PPP3CA: variants seen among roughly 807,000 people sequenced by gnomAD.
PPP3CA encodes CAM-PRP catalytic subunit.
A neutral mutation model predicts 66.5 loss-of-function variants in PPP3CA; 14 were observed. That is an observed-to-expected ratio of 0.21 (90% CI 0.14 to 0.33). The LOEUF is 0.33. PPP3CA is among the 10% of genes least tolerant of loss of function. PPP3CA has a pLI of 1.00. For missense variants in PPP3CA, 317 were observed against 639.5 expected, an observed-to-expected ratio of 0.50 and a Z score of 5.44; for synonymous variants, 232 against 226.2, an observed-to-expected ratio of 1.03 and a Z score of -0.23.
At chr4:101,301,630 T>C (rs1271878262) in intron 1 of PPP3CA, among the ~76,000 whole-genome samples, 2 of 148,630 alleles carry the variant, frequency 1.3e-5, no homozygotes, top group Non-Finnish European at 3.0e-5. Flanking sequence ...GTAGCTAGGA[T>C]TTACAGGCAC....
intron 2 of PPP3CA, among the ~76,000 whole-genome samples, chr4:101,128,279 C>T (rs575805562): frequency 3.6e-4 from 54 of 152,066 alleles, no homozygotes; most frequent in African/African-American, 1.3e-3. Flanking sequence ...ATTGGGTGTT[C>T]CCAACACAAA....
intron 1 of PPP3CA, among the ~76,000 whole-genome samples, chr4:101,316,535 G>A (rs1728890708): frequency 1.3e-5 from 2 of 152,160 alleles, no homozygotes; most frequent in South Asian, 2.1e-4. Flanking sequence ...AGAATACAGG[G>A]AGTTGGTTTA....
At position 101,346,903 on chromosome 4, in the gene PPP3CA, G is replaced by GCCGCCGCCGC; in HGVS notation, c.-108_-107insGCGGCGGCGG. The GCCGCCGCCGC allele has an allele frequency of 7.3e-7, 1 of 1,366,768 alleles. No individual in the cohort carries two copies. The highest frequency in any genetic ancestry group is 1.0e-6 in the Non-Finnish European group (1 of 987,550). 84.7% of individuals were successfully genotyped at this position (1,366,768 alleles called of 1,614,324 possible). On this transcript the variant is annotated 5_prime_UTR_variant, in exon 1 of 14. Coordinates refer to ENST00000394854, the MANE Select transcript of PPP3CA (RefSeq NM_000944.5). ...CGCCGCCGCCGCCGCCGCCGCCGCC[G>GCCGCCGCCGC]CGCTGCAAACCGCTCGGCTGGAGGT...
At chr4:101,295,785 C>T (rs1021879142) in intron 1 of PPP3CA, among the ~76,000 whole-genome samples, 18 of 152,308 alleles carry the variant, frequency 1.2e-4, no homozygotes, top group African/African-American at 3.8e-4. Flanking sequence ...TTTCCATTCC[C>T]TCCTATGATT....
intron 1 of PPP3CA, among the ~76,000 whole-genome samples, chr4:101,209,988 G>A (rs560493571): frequency 4.6e-5 from 7 of 152,256 alleles, no homozygotes; most frequent in African/African-American, 9.6e-5. Context: ...GTAAAGCATC[G>A]AATAAAGGGT....
At chr4:101,161,936 CG>C (rs1723524947) in intron 2 of PPP3CA, among the ~76,000 whole-genome samples, 1 of 152,008 alleles carries the variant, frequency 6.6e-6, no homozygotes, top group African/African-American at 2.4e-5. Flanking sequence ...TAGTCCACAT[CG>C]AGGTTAAAAA....
chr4:101,218,493 T>C (rs1725521451), intron 1 of PPP3CA, among the ~76,000 whole-genome samples: 1 of 152,022 alleles, frequency 6.6e-6, no homozygotes, highest in African/African-American at 2.4e-5. Flanking sequence ...CTTTGCTTAA[T>C]TTTTGTTGTT....
At chr4:101,054,902 T>A (rs1728164599) in intron 10 of PPP3CA, among the ~76,000 whole-genome samples, 1 of 152,146 alleles carries the variant, frequency 6.6e-6, no homozygotes, top group South Asian at 2.1e-4. Flanking sequence ...ACATAAATTC[T>A]AATTTAATAT....
intron 1 of PPP3CA, among the ~76,000 whole-genome samples, chr4:101,275,953 G>C (rs1297059716): frequency 1.3e-5 from 2 of 151,034 alleles, no homozygotes; most frequent in Non-Finnish European, 2.9e-5. Context: ...CTGGAGTGCT[G>C]TGGAAATCAT....
intron 9 of PPP3CA, among the ~76,000 whole-genome samples, chr4:101,062,921 G>A (rs549635353): frequency 3.9e-5 from 6 of 152,056 alleles, no homozygotes; most frequent in African/African-American, 1.4e-4. Flanking sequence ...AAAAAGGGTA[G>A]ACATTACTTG....
At chr4:101,346,571 G>A (rs1460454096) in intron 1 of PPP3CA, among the ~76,000 whole-genome samples, 168 bp downstream of exon 1, 2 of 152,090 alleles carry the variant, frequency 1.3e-5, no homozygotes, top group Admixed American at 1.3e-4. Context: ...CGCCGCGGGG[G>A]CGGGGGGTTC....
At chr4:101,098,304 A>G in intron 5 of PPP3CA, 63 bp downstream of exon 5, 1 of 1,458,202 alleles carries the variant, frequency 6.9e-7, no homozygotes. Context: ...CAGGGTAATT[A>G]ATGTCTTCTA....
intron 1 of PPP3CA, among the ~76,000 whole-genome samples, chr4:101,210,022 C>T (rs980825529): frequency 3.9e-5 from 6 of 152,098 alleles, no homozygotes; most frequent in Non-Finnish European, 8.8e-5. Context: ...GAAATTTCAT[C>T]GCAATTTTAT....
At chr4:101,097,411 G>C (rs923544389) in intron 5 of PPP3CA, among the ~76,000 whole-genome samples, 3 of 151,916 alleles carry the variant, frequency 2.0e-5, no homozygotes, top group African/African-American at 7.3e-5. Context: ...AATTCCTCCA[G>C]AAAAAATTTG....
chr4:101,316,332 C>T (rs1212328784), intron 1 of PPP3CA, among the ~76,000 whole-genome samples: 1 of 151,250 alleles, frequency 6.6e-6, no homozygotes, highest in Admixed American at 6.6e-5. Flanking sequence ...TTGAAGTTGA[C>T]ATATCCAGAG....
intron 1 of PPP3CA, among the ~76,000 whole-genome samples, chr4:101,292,468 TA>T (rs999802374): frequency 2.0e-5 from 3 of 152,226 alleles, no homozygotes; most frequent in African/African-American, 7.2e-5. Flanking sequence ...ACATGGCCTC[TA>T]AATCAGCTCT....
chr4:101,080,186 C>T (rs185874141), intron 8 of PPP3CA, among the ~76,000 whole-genome samples: 5 of 152,240 alleles, frequency 3.3e-5, no homozygotes, highest in African/African-American at 1.2e-4. Flanking sequence ...GACAATCACA[C>T]TTATTCTATT....
At chr4:101,334,351 T>C (rs1300112788) in intron 1 of PPP3CA, among the ~76,000 whole-genome samples, 2 of 152,048 alleles carry the variant, frequency 1.3e-5, no homozygotes, top group African/African-American at 4.8e-5. Flanking sequence ...GCCAGGCTGG[T>C]CTAAAACTCC....
At chr4:101,280,264 G>A (rs1020912232) in intron 1 of PPP3CA, among the ~76,000 whole-genome samples, 1 of 152,172 alleles carries the variant, frequency 6.6e-6, no homozygotes, top group African/African-American at 2.4e-5. Flanking sequence ...ACGTAAGGAG[G>A]TGGGGAGACT....
Sources: gnomAD v4.1 joint callset for allele counts (sites outside exome capture counted in the v4.1 genomes callset) on GRCh38, gnomAD v4.1.1 for gene constraint, MANE v1.5 for transcripts, NCBI Gene and HGNC (gene_info 2026-07-23, HGNC 2026-07-21) for gene names.